Variants in LRP5 observed in about 807,000 individuals in gnomAD.
LRP5 encodes low-density lipoprotein receptor-related protein 5.
In LRP5, 62 loss-of-function variants were observed where a neutral mutation model predicts 154.1. The observed-to-expected ratio is 0.40, with a 90% CI of 0.33 to 0.50. The LOEUF (loss-of-function observed/expected upper bound fraction) is 0.50, where lower values mean the gene tolerates loss of function less well. Ranked by LOEUF, LRP5 falls within the 20% of genes least tolerant of loss-of-function variation. The probability of loss-of-function intolerance (pLI) is 0.55; values close to 1 mark genes in which losing one functional copy is unlikely to be tolerated. For synonymous variants in LRP5, 966 were observed against 1,011.5 expected, an observed-to-expected ratio of 0.96 and a Z score of 0.85; for missense variants, 1,915 against 2,336.7, an observed-to-expected ratio of 0.82 and a Z score of 3.72.
At chr11:68,432,068 G>T (rs907219061) in intron 17 of LRP5, among the ~76,000 whole-genome samples, 11 of 152,198 alleles carry the variant, frequency 7.2e-5, no homozygotes, top group African/African-American at 2.4e-4. Flanking sequence ...GGCAAGAGGC[G>T]GCCACAGTCA....
intron 13 of LRP5, among the ~76,000 whole-genome samples, chr11:68,422,025 T>C (rs2098666102): frequency 1.3e-5 from 2 of 152,176 alleles, no homozygotes. Context: ...CCTCCCAGGC[T>C]GAAGCGATCC....
At chr11:68,319,518 T>TTTATTATTA (rs34373911) in intron 1 of LRP5, among the ~76,000 whole-genome samples, 1 of 151,646 alleles carries the variant, frequency 6.6e-6, no homozygotes, top group Non-Finnish European at 1.5e-5. Context: ...CCCAGCCTAT[T>TTTATTATTA]TTATTATTAT....
chr11:68,423,780 GCTGGGGAGACTTTCCACC>G lies in LRP5; in HGVS notation c.3236+91_3236+108del, dbSNP rs2098667188. ...TCTGCCGAATGCCAGCCTCTCACAGGCTGGGGAGACTTTCCACCCTGGGGATCCAATGGGTGGCTTTCC... is the reference window on the plus strand; with the variant it reads ...TCTGCCGAATGCCAGCCTCTCACAGGCTGGGGATCCAATGGGTGGCTTTCC... On this transcript the variant is annotated intron_variant, in intron 14 of 22. Coordinates refer to ENST00000294304, the MANE Select transcript of LRP5 (RefSeq NM_002335.4). This position sits in a 1 kb window ranked among gnomAD's most constrained non-coding sequence, Gnocchi z 4.7. 1.4e-6 allele frequency: 2 copies of G among 1,397,920 alleles called. No homozygotes were observed. The highest frequency in any genetic ancestry group is 2.8e-5 in the African/African-American group (2 of 71,116). 86.6% of individuals were successfully genotyped at this position (1,397,920 alleles called of 1,614,324 possible).
intron 3 of LRP5, among the ~76,000 whole-genome samples, chr11:68,361,616 G>A (rs1032719984): frequency 6.6e-6 from 1 of 151,036 alleles, no homozygotes; most frequent in African/African-American, 2.4e-5. Flanking sequence ...CAGCCTGGGC[G>A]ACAGAGCGAG....
At chr11:68,323,754 G>A (rs2098598080) in intron 1 of LRP5, among the ~76,000 whole-genome samples, 1 of 152,162 alleles carries the variant, frequency 6.6e-6, no homozygotes, top group Admixed American at 6.5e-5. Context: ...TATAGAGTAG[G>A]TGACTGAGTG....
chr11:68,379,890 G>A (rs912474317), intron 5 of LRP5, among the ~76,000 whole-genome samples: 2 of 152,168 alleles, frequency 1.3e-5, no homozygotes, highest in Non-Finnish European at 2.9e-5. Context: ...CCAGCACGTT[G>A]GGAGGCAGAG....
At chr11:68,439,998 CCCGGGTT>C in intron 21 of LRP5, 82 bp downstream of exon 21, 1 of 1,343,954 alleles carries the variant, frequency 7.4e-7, no homozygotes, top group East Asian at 2.5e-5. Flanking sequence ...CCGGAGGCTT[CCCGGGTT>C]CCTGGGGGCT....
At chr11:68,351,634 A>G (rs565860874) in intron 2 of LRP5, among the ~76,000 whole-genome samples, 11 of 152,050 alleles carry the variant, frequency 7.2e-5, no homozygotes, top group East Asian at 1.9e-4. Context: ...TCACCTCCCA[A>G]CCAGGCATCC....
intron 13 of LRP5, among the ~76,000 whole-genome samples, chr11:68,422,744 C>T (rs2098666526): frequency 6.6e-6 from 1 of 151,556 alleles, no homozygotes; most frequent in South Asian, 2.1e-4. Flanking sequence ...CCTGCCCCTA[C>T]CCACCCTCAC....
rs147716006 is a variant in LRP5, at chr11:68,416,446, C to T, written c.2946C>T (p.Ile982=). The T allele has an allele frequency of 2.8e-5, 45 of 1,614,014 alleles. 1 individual carries two copies. In the East Asian group the frequency reaches 5.1e-4, roughly 18 times the overall value. Residue 982 remains isoleucine (I), a synonymous_variant, in exon 13 of 23, where the codon ATC becomes ATT. Coordinates refer to ENST00000294304, the MANE Select transcript of LRP5 (RefSeq NM_002335.4). ...ATGGACTGAGGAACGTCAAAGCCAT[C>T]GACTATGACCCACTGGACAAGTTCA... ...PLHGLRNVKA[I]DYDPLDKFIY...
At chr11:68,425,756 T>C in intron 15 of LRP5, among the ~76,000 whole-genome samples, 1 of 152,164 alleles carries the variant, frequency 6.6e-6, no homozygotes, top group East Asian at 1.9e-4. Context: ...TTGGAACTGA[T>C]GGCCTTCATC....
At chr11:68,426,934 G>A (rs1282440933) in intron 16 of LRP5, among the ~76,000 whole-genome samples, 1 of 152,120 alleles carries the variant, frequency 6.6e-6, no homozygotes, top group Non-Finnish European at 1.5e-5. Context: ...GTTATTGGTC[G>A]GGGACCACTC....
chr11:68,347,733 T>C, intron 1 of LRP5, 114 bp from the exon 2 acceptor site: 1 of 1,291,706 alleles, frequency 7.7e-7, no homozygotes, highest in South Asian at 1.2e-5. Context: ...GAACTGGAGG[T>C]CTTGGGCATG....
At chr11:68,435,701 A>G (rs952265220) in intron 18 of LRP5, among the ~76,000 whole-genome samples, 1 of 151,868 alleles carries the variant, frequency 6.6e-6, no homozygotes, top group African/African-American at 2.4e-5. Context: ...ATGCTATGCT[A>G]TGCCATGCCA....
intron 4 of LRP5, among the ~76,000 whole-genome samples, chr11:68,365,116 A>G (rs551047535): frequency 3.9e-5 from 6 of 152,158 alleles, no homozygotes; most frequent in African/African-American, 1.2e-4. Flanking sequence ...CCAGGAGCCC[A>G]TTGTCTCTGG....
At chr11:68,339,691 C>T (rs901548919) in intron 1 of LRP5, among the ~76,000 whole-genome samples, 3 of 152,164 alleles carry the variant, frequency 2.0e-5, no homozygotes, top group African/African-American at 7.2e-5. Context: ...GCCCCTCTCA[C>T]CTCCGTCAGG....
At chr11:68,436,187 T>C (rs1308769553) in intron 18 of LRP5, among the ~76,000 whole-genome samples, 2 of 152,186 alleles carry the variant, frequency 1.3e-5, no homozygotes, top group African/African-American at 4.8e-5. Context: ...CTTCCCTGCT[T>C]GGTTACCAGA....
rs528295211 is a variant in LRP5 at position 68,445,569 on chromosome 11, G to A, written c.4489-867G>A. On this transcript the variant is annotated intron_variant, in intron 21 of 22. Coordinates refer to ENST00000294304, the MANE Select transcript of LRP5 (RefSeq NM_002335.4). ...CTGACAGTTCTGTTCCCATTATTCC[G>A]CAGGGGCTCGGATCTGGCTGTATGC... 48 of 1,310,340 alleles carry A rather than the reference G, an allele frequency of 3.7e-5. No homozygotes were observed. In the East Asian group the frequency reaches 1.0e-3, roughly 28 times the overall value. The allele number at this position is 1,310,340 out of a possible 1,614,324, so 81.2% of individuals were successfully genotyped here.
intron 8 of LRP5, among the ~76,000 whole-genome samples, chr11:68,405,200 C>T (rs1490619376): frequency 6.6e-6 from 1 of 151,450 alleles, no homozygotes; most frequent in Admixed American, 6.6e-5. Context: ...GGTGTGGTGG[C>T]TCATGCCTGA....
Sources: gnomAD v4.1 joint callset for allele counts (sites outside exome capture counted in the v4.1 genomes callset) on GRCh38, gnomAD v4.1.1 for gene constraint, Gnocchi (gnomAD v3.1) non-coding constraint, MANE v1.5 for transcripts, NCBI Gene and HGNC (gene_info 2026-07-23, HGNC 2026-07-21) for gene names.